Variants in EYA1 observed in about 807,000 individuals in gnomAD.
EYA1 encodes the protein EYA transcriptional coactivator and phosphatase 1.
In EYA1, 16 loss-of-function variants were observed where a neutral mutation model predicts 82.0. The observed-to-expected ratio is 0.20, with a 90% CI of 0.13 to 0.30. EYA1 has a LOEUF of 0.30. Among genes scored for constraint, EYA1 ranks in the 10% least tolerant of loss-of-function variants. The pLI, the probability that EYA1 is intolerant of heterozygous loss-of-function variation, is 1.00. For missense variants in EYA1, 633 were observed against 730.7 expected (o/e 0.87, Z 1.54); for synonymous variants, 261 against 264.4 (o/e 0.99, Z 0.12).
At chr8:71,222,553 C>CT in intron 12 of EYA1, among the ~76,000 whole-genome samples, 1 of 152,160 alleles carries the variant, frequency 6.6e-6, no homozygotes, top group East Asian at 1.9e-4. Flanking sequence ...TCTTCCTTCC[C>CT]CCACAGCAAT....
intron 2 of EYA1, among the ~76,000 whole-genome samples, chr8:71,523,467 C>T (rs1179410983): frequency 1.3e-5 from 2 of 152,120 alleles, no homozygotes; most frequent in South Asian, 2.1e-4. Context: ...CGTGACCTAC[C>T]GCGCCCGGCC....
intron 7 of EYA1, among the ~76,000 whole-genome samples, chr8:71,303,367 C>T (rs1820404163): frequency 7.1e-6 from 1 of 141,428 alleles, no homozygotes; most frequent in Non-Finnish European, 1.6e-5. Flanking sequence ...GTATTTTAAG[C>T]CAAGTACTAA....
intron 2 of EYA1, among the ~76,000 whole-genome samples, chr8:71,452,949 C>T (rs1019705437): frequency 1.3e-5 from 2 of 152,118 alleles, no homozygotes; most frequent in South Asian, 2.1e-4. Context: ...GAGAAGAAGG[C>T]TTCAGACAAT....
At chr8:71,397,066 C>A (rs1829667577) in intron 2 of EYA1, among the ~76,000 whole-genome samples, 1 of 152,128 alleles carries the variant, frequency 6.6e-6, no homozygotes, top group South Asian at 2.1e-4. Context: ...CTCTTTTGAT[C>A]TTTGTTGATT....
chr8:71,215,668 A>G lies in EYA1; in HGVS notation c.1421T>C (p.Leu474Pro). ...GGCCAGTGTCAACCAGGAGTCGGTC[A>G]GGGCTTCAATTTCGGCCCTCAACTG... ...WLQLRAEIEA[L>P]TDSWLTLALK... The change falls in exon 15 of 18, where the codon CTG (leucine) becomes CCG (proline). Residue 474 changes from leucine to proline, a missense_variant. Leu to Pro is a moderately conservative substitution (Grantham distance 98). Transcript: ENST00000340726. The G allele has an allele frequency of 6.2e-7, 1 of 1,614,218 alleles. No individual in the cohort carries two copies. Among genetic ancestry groups the G allele is most frequent in the Non-Finnish European group, 8.5e-7 (1 of 1,180,026 alleles).
intron 3 of EYA1, among the ~76,000 whole-genome samples, chr8:71,340,344 A>C (rs543104792): frequency 1.3e-5 from 2 of 152,334 alleles, no homozygotes; most frequent in Admixed American, 1.3e-4. Context: ...GTACTGAAAA[A>C]ATACACAATC....
At chr8:71,324,518 C>A (rs1309383593) in intron 4 of EYA1, among the ~76,000 whole-genome samples, 1 of 152,160 alleles carries the variant, frequency 6.6e-6, no homozygotes, top group Non-Finnish European at 1.5e-5. Context: ...TTCCCAGATT[C>A]CCACTAACTT....
At chr8:71,210,002 A>G (rs922397505) in intron 17 of EYA1, among the ~76,000 whole-genome samples, 1 of 152,214 alleles carries the variant, frequency 6.6e-6, no homozygotes, top group African/African-American at 2.4e-5. Flanking sequence ...ACACATATCT[A>G]TATTATGGGA....
chr8:71,251,176 A>G (rs1233782209), intron 11 of EYA1, among the ~76,000 whole-genome samples: 3 of 152,232 alleles, frequency 2.0e-5, no homozygotes, highest in Non-Finnish European at 4.4e-5. Flanking sequence ...CAGTAGTGGT[A>G]TGTATTACAC....
At chr8:71,242,911 G>T (rs1417577690) in intron 12 of EYA1, among the ~76,000 whole-genome samples, 2 of 151,710 alleles carry the variant, frequency 1.3e-5, no homozygotes, top group Non-Finnish European at 2.9e-5. Flanking sequence ...CTGAGTAGCT[G>T]GGATTACAAG....
intron 2 of EYA1, among the ~76,000 whole-genome samples, chr8:71,394,321 T>G (rs2129116088): frequency 6.6e-6 from 1 of 152,294 alleles, no homozygotes; most frequent in African/African-American, 2.4e-5. Flanking sequence ...CAACTTTCGT[T>G]TTTGTTGCCA....
At chr8:71,233,454 C>T (rs1811462558) in intron 12 of EYA1, among the ~76,000 whole-genome samples, 1 of 151,662 alleles carries the variant, frequency 6.6e-6, no homozygotes, top group Non-Finnish European at 1.5e-5. Flanking sequence ...TTCCCAGCTA[C>T]TCAGGAGGCT....
intron 17 of EYA1, among the ~76,000 whole-genome samples, chr8:71,205,836 G>A (rs900226265): frequency 9.9e-5 from 15 of 152,164 alleles, no homozygotes; most frequent in African/African-American, 2.9e-4. Flanking sequence ...AGGGAAAGAA[G>A]AGCATGTTGT....
chr8:71,514,380 CTT>C (rs1401236678), intron 2 of EYA1, among the ~76,000 whole-genome samples: 1 of 151,980 alleles, frequency 6.6e-6, no homozygotes, highest in African/African-American at 2.4e-5. Context: ...TATGATCTAA[CTT>C]TTATAAAATC....
At chr8:71,469,243 G>C (rs1018585977) in intron 2 of EYA1, among the ~76,000 whole-genome samples, 1 of 152,084 alleles carries the variant, frequency 6.6e-6, no homozygotes, top group Non-Finnish European at 1.5e-5. Context: ...ATATTTTAAT[G>C]TGGTAAGTAC....
intron 16 of EYA1, among the ~76,000 whole-genome samples, chr8:71,212,238 CT>C (rs1402744995): frequency 9.2e-5 from 14 of 152,208 alleles, no homozygotes; most frequent in African/African-American, 3.4e-4. Context: ...AAACAAATGT[CT>C]GCTTTATATT....
intron 12 of EYA1, chr8:71,225,398 C>T (rs1810434144): frequency 7.0e-6 from 3 of 429,646 alleles, no homozygotes; most frequent in Middle Eastern, 3.9e-4. Context: ...ACCTGGTGAC[C>T]TCCTATTTCC....
At chr8:71,500,986 T>G (rs1811771382) in intron 2 of EYA1, among the ~76,000 whole-genome samples, 1 of 152,186 alleles carries the variant, frequency 6.6e-6, no homozygotes, top group South Asian at 2.1e-4. Flanking sequence ...AAATCTCCCC[T>G]CAACGTCTAC....
intron 2 of EYA1, among the ~76,000 whole-genome samples, chr8:71,527,705 TAACAACAG>T (rs1166121512): frequency 6.6e-6 from 1 of 152,130 alleles, no homozygotes; most frequent in Non-Finnish European, 1.5e-5. Context: ...CTCACTGAGG[TAACAACAG>T]AACAATGCAT....
Sources: allele counts gnomAD v4.1 joint callset (sites outside exome capture counted in the v4.1 genomes callset), GRCh38; gene constraint gnomAD v4.1.1; transcripts MANE v1.5; gene names NCBI Gene and HGNC (gene_info 2026-07-23, HGNC 2026-07-21).